The following NBAS variants were observed in gnomAD, a reference collection of about 807,000 sequenced individuals.
NBAS encodes NAG/BC035112 fusion.
NBAS carries 219 observed loss-of-function variants against 302.5 expected under a neutral mutation model. The ratio of observed to expected loss-of-function variants is 0.72; its 90% CI spans 0.65 to 0.81. The LOEUF (loss-of-function observed/expected upper bound fraction) is 0.81, where lower values mean the gene tolerates loss of function less well. Ranked by LOEUF, NBAS falls within the 30% of genes least tolerant of loss-of-function variation. The pLI is 0.00. For missense variants in NBAS, 2,932 were observed against 2,841.6 expected (o/e 1.03, Z -0.72); for synonymous variants, 1,118 against 1,021.6 (o/e 1.09, Z -1.80).
chr2:15,148,875 A>G, the NBAS span, among the ~76,000 whole-genome samples: 1 of 152,286 alleles, frequency 6.6e-6, no homozygotes, highest in Admixed American at 6.5e-5. Flanking sequence ...GTGTTTGCCA[A>G]AATACTTTCC....
intron 47 of NBAS, among the ~76,000 whole-genome samples, chr2:15,229,655 A>G (rs1667297784): frequency 6.6e-6 from 1 of 151,628 alleles, no homozygotes; most frequent in Non-Finnish European, 1.5e-5. Context: ...GGTGGCAGGC[A>G]ATTGTAATTC....
At chr2:15,525,683 T>C (rs888220336) in intron 9 of NBAS, among the ~76,000 whole-genome samples, 1 of 152,170 alleles carries the variant, frequency 6.6e-6, no homozygotes, top group Non-Finnish European at 1.5e-5. Context: ...TTTGACTTTG[T>C]TGAAATGTAA....
the NBAS span, among the ~76,000 whole-genome samples, chr2:15,036,075 T>C: frequency 6.6e-6 from 1 of 152,206 alleles, no homozygotes; most frequent in Admixed American, 6.5e-5. Flanking sequence ...ATCCAATTTA[T>C]TCTCACGCCA....
the NBAS span, among the ~76,000 whole-genome samples, chr2:14,944,354 T>A: frequency 3.0e-4 from 45 of 152,122 alleles, no homozygotes; most frequent in Middle Eastern, 0.01. Flanking sequence ...ATCCCTGCTA[T>A]GAATCCTGCA....
At chr2:15,130,729 C>T in the NBAS span, among the ~76,000 whole-genome samples, 2 of 152,200 alleles carry the variant, frequency 1.3e-5, no homozygotes, top group South Asian at 2.1e-4. Flanking sequence ...TTCTTCAGTG[C>T]GGGGATCATC....
chr2:15,499,369 T>C (rs989403726), intron 11 of NBAS, among the ~76,000 whole-genome samples: 4 of 152,204 alleles, frequency 2.6e-5, no homozygotes, highest in African/African-American at 4.8e-5. Context: ...TAAATGCCCA[T>C]CAGTGATAGA....
the NBAS span, among the ~76,000 whole-genome samples, chr2:15,024,606 T>C: frequency 6.6e-6 from 1 of 152,224 alleles, no homozygotes; most frequent in Non-Finnish European, 1.5e-5. Context: ...TGTTCCCTTT[T>C]CTCTATAACC....
chr2:15,179,189 T>C, intron 50 of NBAS, 73 bp from the exon 51 acceptor site: 1 of 1,608,828 alleles, frequency 6.2e-7, no homozygotes. Flanking sequence ...GGCTGGATCA[T>C]TCCACCCCTT....
At chr2:14,797,203 AG>A in the NBAS span, among the ~76,000 whole-genome samples, 1 of 151,920 alleles carries the variant, frequency 6.6e-6, no homozygotes, top group African/African-American at 2.4e-5. Context: ...TGTCCACTTC[AG>A]GACCCCTCTC....
At chr2:15,128,273 A>T in the NBAS span, among the ~76,000 whole-genome samples, 1 of 152,248 alleles carries the variant, frequency 6.6e-6, no homozygotes, top group African/African-American at 2.4e-5. Flanking sequence ...TTGCAGCAGA[A>T]TTATTAATGT....
At chr2:14,872,817 G>A in the NBAS span, among the ~76,000 whole-genome samples, 1 of 152,106 alleles carries the variant, frequency 6.6e-6, no homozygotes, top group Non-Finnish European at 1.5e-5. Context: ...CTTCACGAGT[G>A]AAGCTGCAGA....
At chr2:15,315,261 T>C (rs1017426480) in intron 38 of NBAS, among the ~76,000 whole-genome samples, 14 of 151,982 alleles carry the variant, frequency 9.2e-5, no homozygotes, top group Non-Finnish European at 1.2e-4. Flanking sequence ...AGAAAAGAAG[T>C]TGGGTTTGGT....
chr2:15,439,407 C>T (rs1426954569), intron 21 of NBAS, among the ~76,000 whole-genome samples: 1 of 151,692 alleles, frequency 6.6e-6, no homozygotes, highest in Non-Finnish European at 1.5e-5. Flanking sequence ...AAAGGTAAAC[C>T]TCAAGATCAT....
chr2:15,226,220 C>A (rs1319013775), intron 47 of NBAS, among the ~76,000 whole-genome samples: 1 of 152,130 alleles, frequency 6.6e-6, no homozygotes, highest in Admixed American at 6.5e-5. Flanking sequence ...GTTCTGAGGA[C>A]TAAGGGAGTT....
chr2:15,062,188 C>T, the NBAS span, among the ~76,000 whole-genome samples: 1 of 152,170 alleles, frequency 6.6e-6, no homozygotes, highest in Non-Finnish European at 1.5e-5. Flanking sequence ...GTTTCTGGTA[C>T]CCTGTAGCAT....
rs531530876 is a variant in NBAS, at chr2:15,243,537, G to A, written c.5725-4851C>T. ...TCTGACACACAACAGGTACCAAGAG[G>A]GAGGCAATATGTGGCTTTGGTTTTC... On this transcript the variant is annotated intron_variant, in intron 44 of 51. Transcript: ENST00000281513. Among the ~76,000 whole-genome samples, 7 of 151,590 alleles carry A rather than the reference G, an allele frequency of 4.6e-5. 1 individual carries two copies. The South Asian group carries it at 1.5e-3, about 32-fold the overall frequency.
At chr2:15,408,229 A>G (rs1200217457) in intron 25 of NBAS, among the ~76,000 whole-genome samples, 1 of 152,196 alleles carries the variant, frequency 6.6e-6, no homozygotes, top group Non-Finnish European at 1.5e-5. Context: ...GAATAAAAAT[A>G]TAATAAAGTA....
chr2:15,031,668 A>G, the NBAS span, among the ~76,000 whole-genome samples: 3 of 152,150 alleles, frequency 2.0e-5, no homozygotes, highest in Non-Finnish European at 4.4e-5. Flanking sequence ...CTTTTCCCCC[A>G]CATTCCCAGA....
In NBAS at chr2:15,533,116, A is replaced by G. The variant is rs183052454; in HGVS notation, c.746+1427T>C. ...AGCAAACATTTAAAAGTCTCACACC[A>G]TCGAGAGCACTAACGAGAATGTGAA... On this transcript the variant is annotated intron_variant, in intron 9 of 51. Coordinates refer to ENST00000281513, the MANE Select transcript of NBAS (RefSeq NM_015909.4). 2.8e-3 allele frequency among the ~76,000 whole-genome samples: 420 copies of G among 152,324 alleles called. 1 individual carries two copies. Among genetic ancestry groups the G allele is most frequent in the African/African-American group, 9.6e-3 (401 of 41,570 alleles).
Sources: allele counts gnomAD v4.1 joint callset (sites outside exome capture counted in the v4.1 genomes callset), GRCh38; gene constraint gnomAD v4.1.1; transcripts MANE v1.5; gene names NCBI Gene and HGNC (gene_info 2026-07-23, HGNC 2026-07-21).